Variants in CDK6 observed in about 807,000 individuals in gnomAD.
CDK6 encodes cyclin dependent kinase 6, also known as cyclin-dependent kinase 6.
A neutral mutation model predicts 37.1 loss-of-function variants in CDK6; 6 were observed. The observed-to-expected ratio is 0.16, with a 90% CI of 0.09 to 0.32. The LOEUF (loss-of-function observed/expected upper bound fraction) is 0.32. Among genes scored for constraint, CDK6 ranks in the 10% least tolerant of loss-of-function variants. The pLI, the probability that CDK6 is intolerant of heterozygous loss-of-function variation, is 1.00. For missense variants in CDK6, 224 were observed against 418.9 expected, an observed-to-expected ratio of 0.53 and a Z score of 4.06; for synonymous variants, 160 against 161.3, an observed-to-expected ratio of 0.99 and a Z score of 0.06.
rs1336331529 is a variant in CDK6 at position 92,614,118 on chromosome 7, A to G, written c.*1022T>C. The G allele has an allele frequency of 4.3e-6, 1 of 233,152 alleles. No individual in the cohort carries two copies. 14.4% of individuals were successfully genotyped at this position (233,152 alleles called of 1,614,324 possible). Reference sequence around the variant, plus strand: ...AGGCCACTCCTGTCTCTAGTTAGAGAGAACTACTCTCCAAACCAAAACAGG... The same window carrying G: ...AGGCCACTCCTGTCTCTAGTTAGAGGGAACTACTCTCCAAACCAAAACAGG... On this transcript the variant is annotated 3_prime_UTR_variant, in exon 8 of 8. Transcript: ENST00000424848.
chr7:92,699,538 A>G lies in CDK6; in HGVS notation c.537+26088T>C, dbSNP rs1797795154. 2.0e-5 allele frequency among the ~76,000 whole-genome samples: 3 copies of G among 152,242 alleles called. No individual in the cohort carries two copies. In the South Asian group the frequency reaches 6.2e-4, roughly 32 times the overall value. On this transcript the variant is annotated intron_variant, in intron 4 of 7. Coordinates refer to ENST00000424848, the MANE Select transcript of CDK6 (RefSeq NM_001145306.2). Reference sequence around the variant, plus strand: ...TTTCATGTCCTCATGGACAATACACATGGTGGGTGAAATACAGATATATCT... The same window carrying G: ...TTTCATGTCCTCATGGACAATACACGTGGTGGGTGAAATACAGATATATCT...
chr7:92,646,148 T>C (rs1796443522), intron 5 of CDK6, among the ~76,000 whole-genome samples: 1 of 152,224 alleles, frequency 6.6e-6, no homozygotes, highest in Non-Finnish European at 1.5e-5. Flanking sequence ...GCCCCTATTA[T>C]TCTAGTTCAG....
chr7:92,785,632 T>C (rs1041225318), intron 2 of CDK6, among the ~76,000 whole-genome samples: 2 of 152,128 alleles, frequency 1.3e-5, no homozygotes, highest in African/African-American at 4.8e-5. Context: ...AGACAGTAAG[T>C]AGTGGAGATG....
intron 2 of CDK6, among the ~76,000 whole-genome samples, chr7:92,790,394 C>G (rs1012508644): frequency 6.6e-6 from 1 of 152,168 alleles, no homozygotes; most frequent in African/African-American, 2.4e-5. Flanking sequence ...CCCTGAGACT[C>G]TTTGTACTCA....
chr7:92,833,535 G>C lies in CDK6; in HGVS notation c.-212C>G. 1.8e-6 allele frequency: 1 copy of C among 543,604 alleles called. No homozygotes were observed. Among genetic ancestry groups the C allele is most frequent in the Non-Finnish European group, 3.2e-6 (1 of 313,120 alleles). The allele number at this position is 543,604 out of a possible 1,614,324, so 33.7% of individuals were successfully genotyped here. ...CCCGCGGGGCTGGCGTAACCCTGGT[G>C]CCGCCGCCGCGAAACTCCGCCTGCA... On this transcript the variant is annotated 5_prime_UTR_variant, in exon 2 of 8. Transcript: ENST00000424848. The surrounding 1 kb of genome is among the most constrained non-coding windows in gnomAD (Gnocchi z 6.1).
intron 4 of CDK6, among the ~76,000 whole-genome samples, chr7:92,693,407 CAA>C (rs1345096547): frequency 6.6e-6 from 1 of 152,150 alleles, no homozygotes; most frequent in Non-Finnish European, 1.5e-5. Context: ...TACCTAGTAG[CAA>C]AGTGGGCTGG....
At chr7:92,826,902 T>C (rs1801332426) in intron 2 of CDK6, among the ~76,000 whole-genome samples, 1 of 152,182 alleles carries the variant, frequency 6.6e-6, no homozygotes, top group African/African-American at 2.4e-5. Context: ...CCATGTTATT[T>C]ATGGATATAA....
Position 92,698,758 on chromosome 7 carries a change from C to G in CDK6, c.537+26868G>C, listed in dbSNP as rs146249806. On this transcript the variant is annotated intron_variant, in intron 4 of 7. Transcript: ENST00000424848. ...TGTCACGCACAATCACTGGCTTCAG[C>G]CTGTGGCCCTCTAAATGAAAGGAGC... 1.0e-3 allele frequency among the ~76,000 whole-genome samples: 156 copies of G among 152,312 alleles called. 1 individual carries two copies. Among genetic ancestry groups the G allele is most frequent in the African/African-American group, 3.6e-3 (150 of 41,574 alleles).
At position 92,615,220 on chromosome 7, in the gene CDK6, G is replaced by A. The variant is rs2116477115; in HGVS notation, c.901C>T (p.Gln301Ter). The change falls in exon 8 of 8, where the codon CAG becomes TAG. Residue 301 changes from glutamine (Q) to a stop codon, truncating the protein, a stop_gained. Transcript: ENST00000424848. LOFTEE classifies it high-confidence loss of function. Reference sequence around the variant, plus strand: ...TTTTCTTTGCACCTTTCCAGGTCCTGGAAGTATGGGTGAGACAGGGCACTG... The same window carrying A: ...TTTTCTTTGCACCTTTCCAGGTCCTAGAAGTATGGGTGAGACAGGGCACTG... ...AYSALSHPYF[Q>*]DLERCKENLD... 1 of 1,614,164 alleles carries A rather than the reference G, an allele frequency of 6.2e-7. No homozygotes were observed. The highest frequency in any genetic ancestry group is 1.1e-5 in the South Asian group (1 of 91,076).
intron 5 of CDK6, among the ~76,000 whole-genome samples, chr7:92,657,186 A>T (rs1359138155): frequency 2.0e-5 from 3 of 152,144 alleles, no homozygotes; most frequent in African/African-American, 7.2e-5. Flanking sequence ...TGGCTTCTGG[A>T]CCTCAAGCTG....
In CDK6 at chr7:92,629,205, A is replaced by G. The variant is rs187524239; in HGVS notation, c.648-6119T>C. ...ACCTCTGCCAGGGAAGGGAGGTGCCACTTAGAGGAAAGACTTGTGTCTCTA... is the reference window on the plus strand; with the variant it reads ...ACCTCTGCCAGGGAAGGGAGGTGCCGCTTAGAGGAAAGACTTGTGTCTCTA... On this transcript the variant is annotated intron_variant, in intron 5 of 7. Transcript: ENST00000424848. Among the ~76,000 whole-genome samples the G allele has an allele frequency of 3.3e-5, 5 of 152,226 alleles. No individual in the cohort carries two copies. The East Asian group carries it at 9.7e-4, about 29-fold the overall frequency.
chr7:92,719,822 G>C (rs1729277402), intron 4 of CDK6, among the ~76,000 whole-genome samples: 1 of 152,142 alleles, frequency 6.6e-6, no homozygotes, highest in Admixed American at 6.5e-5. Context: ...GCTGTCCTGG[G>C]GAGTGGCTGG....
chr7:92,807,871 T>C (rs1213875293), intron 2 of CDK6, among the ~76,000 whole-genome samples: 1 of 152,162 alleles, frequency 6.6e-6, no homozygotes, highest in Non-Finnish European at 1.5e-5. Context: ...AACTACCATT[T>C]TATTAGGGTA....
At chr7:92,632,805 T>C (rs919843188) in intron 5 of CDK6, among the ~76,000 whole-genome samples, 1 of 152,044 alleles carries the variant, frequency 6.6e-6, no homozygotes, top group African/African-American at 2.4e-5. Flanking sequence ...ATTATCTTGA[T>C]TATAAAATAT....
At chr7:92,641,449 G>A (rs1301685059) in intron 5 of CDK6, among the ~76,000 whole-genome samples, 1 of 151,946 alleles carries the variant, frequency 6.6e-6, no homozygotes, top group African/African-American at 2.4e-5. Flanking sequence ...TTGTCCAGTG[G>A]CTCCTTCAAG....
In CDK6 at chr7:92,834,994, CATGTCCGGA is replaced by C. The variant is rs1313024414; in HGVS notation, c.-367-1313_-367-1305del. The C allele has an allele frequency of 6.6e-6, 1 of 152,286 alleles. No individual in the cohort carries two copies. The highest frequency in any genetic ancestry group is 1.5e-5 in the Non-Finnish European group (1 of 68,086). 9.4% of individuals were successfully genotyped at this position (152,286 alleles called of 1,614,324 possible). A position where few individuals can be genotyped will look rare whatever the true frequency, so the allele number is the denominator to read the frequency against. ...GGCAGGACTTTCACCACGACGGCCG[CATGTCCGGA>C]ATTCCCGGGGCACCTCGGAATTACC... On this transcript the variant is annotated intron_variant, in intron 1 of 7. Transcript: ENST00000424848. The surrounding 1 kb of genome is among the most constrained non-coding windows in gnomAD (Gnocchi z 4.6).
intron 5 of CDK6, among the ~76,000 whole-genome samples, chr7:92,645,289 G>A (rs951636060): frequency 1.3e-5 from 2 of 152,138 alleles, no homozygotes; most frequent in East Asian, 3.8e-4. Flanking sequence ...GCCCTTTCCT[G>A]CTTTTTAAAG....
At chr7:92,773,054 A>G (rs893456030) in intron 3 of CDK6, among the ~76,000 whole-genome samples, 2 of 152,206 alleles carry the variant, frequency 1.3e-5, no homozygotes, top group African/African-American at 2.4e-5. Context: ...AGTCATTTTA[A>G]AAATAATTTT....
At chr7:92,811,922 G>A (rs936976493) in intron 2 of CDK6, among the ~76,000 whole-genome samples, 47 of 152,198 alleles carry the variant, frequency 3.1e-4, no homozygotes, top group Non-Finnish European at 6.3e-4. Context: ...GGAGGCTAAG[G>A]CTGGAGGATC....
Sources: allele counts gnomAD v4.1 joint callset (sites outside exome capture counted in the v4.1 genomes callset), GRCh38; gene constraint gnomAD v4.1.1; non-coding constraint Gnocchi (gnomAD v3.1); transcripts MANE v1.5; gene names NCBI Gene and HGNC (gene_info 2026-07-23, HGNC 2026-07-21).